GPD2: variants seen among roughly 807,000 people sequenced by gnomAD.
GPD2 encodes the protein glycerol-3-phosphate dehydrogenase 2, also known as glycerol-3-phosphate dehydrogenase, mitochondrial.
In GPD2, 54 loss-of-function variants were observed where a neutral mutation model predicts 82.4. The observed-to-expected ratio is 0.66, with a 90% CI of 0.53 to 0.82. The LOEUF (loss-of-function observed/expected upper bound fraction) is 0.82, where lower values mean the gene tolerates loss of function less well. Among genes scored for constraint, GPD2 ranks in the 40% least tolerant of loss-of-function variants. The pLI is 0.00. For missense variants in GPD2, 748 were observed against 896.2 expected, an observed-to-expected ratio of 0.83 and a Z score of 2.11; for synonymous variants, 288 against 306.1, an observed-to-expected ratio of 0.94 and a Z score of 0.62.
At chr2:156,401,131 A>G in the GPD2 span, among the ~76,000 whole-genome samples, 1 of 152,196 alleles carries the variant, frequency 6.6e-6, no homozygotes, top group Admixed American at 6.5e-5. Context: ...ACAGAAAAAA[A>G]CTAGAAGTCA....
chr2:156,421,835 A>T, the GPD2 span, among the ~76,000 whole-genome samples: 1 of 152,190 alleles, frequency 6.6e-6, no homozygotes, highest in Non-Finnish European at 1.5e-5. Context: ...AAGTGTTAAA[A>T]AGTATTTAAG....
At chr2:156,510,073 A>C (rs1306171052) in intron 3 of GPD2, among the ~76,000 whole-genome samples, 1 of 152,098 alleles carries the variant, frequency 6.6e-6, no homozygotes, top group African/African-American at 2.4e-5. Flanking sequence ...ATAAGCCACT[A>C]CGCCTGGCAA....
chr2:156,569,310 T>TAAGAAA (rs971904496), intron 10 of GPD2, 53 bp from the exon 11 acceptor site: 1 of 1,199,718 alleles, frequency 8.3e-7, no homozygotes, highest in African/African-American at 1.5e-5. Context: ...TGGTTAATTA[T>TAAGAAA]AAGAAAAATA....
At chr2:156,473,213 CTCTT>C (rs1459888008) in intron 1 of GPD2, among the ~76,000 whole-genome samples, 1 of 152,052 alleles carries the variant, frequency 6.6e-6, no homozygotes, top group African/African-American at 2.4e-5. Context: ...AAAAGGAAAA[CTCTT>C]TATTGATTAT....
At chr2:156,532,614 G>A (rs1196664310) in intron 6 of GPD2, among the ~76,000 whole-genome samples, 1 of 152,176 alleles carries the variant, frequency 6.6e-6, no homozygotes, top group Non-Finnish European at 1.5e-5. Flanking sequence ...GCCATCAGGA[G>A]GGGCTGATCC....
At chr2:156,558,488 A>G (rs570248983) in intron 9 of GPD2, among the ~76,000 whole-genome samples, 2 of 152,306 alleles carry the variant, frequency 1.3e-5, no homozygotes, top group East Asian at 3.9e-4. Context: ...TTTTCTTTCT[A>G]AAACACAATT....
At chr2:156,556,246 C>T (rs577624815) in intron 8 of GPD2, among the ~76,000 whole-genome samples, 14 of 152,008 alleles carry the variant, frequency 9.2e-5, no homozygotes, top group Non-Finnish European at 1.9e-4. Flanking sequence ...AATAGAATTA[C>T]GTTTCCATAT....
chr2:156,428,411 A>G, the GPD2 span, among the ~76,000 whole-genome samples: 3 of 152,250 alleles, frequency 2.0e-5, no homozygotes, highest in Non-Finnish European at 4.4e-5. Context: ...TCAATACTAT[A>G]AGAGGACCAG....
intron 6 of GPD2, among the ~76,000 whole-genome samples, chr2:156,541,529 CA>C (rs1199471115): frequency 6.6e-6 from 1 of 152,160 alleles, no homozygotes; most frequent in East Asian, 1.9e-4. Context: ...TAATTAATCT[CA>C]GGCATCCTCA....
intron 6 of GPD2, among the ~76,000 whole-genome samples, chr2:156,546,154 T>A (rs1412579808): frequency 1.3e-5 from 2 of 152,006 alleles, no homozygotes; most frequent in African/African-American, 4.8e-5. Flanking sequence ...GAGAACAGAG[T>A]CGGAAACAGA....
chr2:156,443,896 C>T (rs1402067317), intron 1 of GPD2, among the ~76,000 whole-genome samples: 1 of 152,182 alleles, frequency 6.6e-6, no homozygotes, highest in African/African-American at 2.4e-5. Flanking sequence ...ATTACCTTGT[C>T]CCCCTTATCA....
chr2:156,505,486 A>G (rs373177889), intron 3 of GPD2, among the ~76,000 whole-genome samples: 1 of 152,358 alleles, frequency 6.6e-6, no homozygotes, highest in African/African-American at 2.4e-5. Context: ...TCATCTTAAT[A>G]GAGATACAGC....
At chr2:156,418,768 A>G in the GPD2 span, among the ~76,000 whole-genome samples, 4 of 152,172 alleles carry the variant, frequency 2.6e-5, no homozygotes, top group African/African-American at 9.7e-5. Context: ...GAAGAAGGGG[A>G]ATTCTGTTGA....
chr2:156,426,075 C>G, the GPD2 span, among the ~76,000 whole-genome samples: 2 of 151,942 alleles, frequency 1.3e-5, no homozygotes, highest in African/African-American at 4.8e-5. Flanking sequence ...AGGCGCCCAC[C>G]ACCACGCCAG....
chr2:156,425,036 A>G, the GPD2 span, among the ~76,000 whole-genome samples: 14 of 152,040 alleles, frequency 9.2e-5, no homozygotes, highest in Non-Finnish European at 1.5e-5. Flanking sequence ...ATGTTTCCTC[A>G]GTTCATATTC....
chr2:156,476,993 G>C (rs958708523), intron 2 of GPD2, among the ~76,000 whole-genome samples: 9 of 152,196 alleles, frequency 5.9e-5, no homozygotes, highest in African/African-American at 2.2e-4. Context: ...ATTTGTAACT[G>C]AGTGATTCAT....
chr2:156,577,185 G>GA (rs1196777804), intron 13 of GPD2, among the ~76,000 whole-genome samples: 1 of 152,110 alleles, frequency 6.6e-6, no homozygotes, highest in Non-Finnish European at 1.5e-5. Context: ...AATCATGTCA[G>GA]AAAAATCAAC....
chr2:156,403,133 A>AAAAAAAAC, the GPD2 span, among the ~76,000 whole-genome samples: 1 of 151,510 alleles, frequency 6.6e-6, no homozygotes, highest in Admixed American at 6.6e-5. Context: ...AAAAAAAAAA[A>AAAAAAAAC]ATCTCAGAAC....
In GPD2 at chr2:156,476,175, C is replaced by G; in HGVS notation, c.70C>G (p.Leu24Val). The change falls in exon 2 of 17, where the codon CTT becomes GTT. Residue 24 changes from leucine to valine, a missense_variant. Coordinates refer to ENST00000438166, the MANE Select transcript of GPD2 (RefSeq NM_000408.5). ...GGGALATVLG[L>V]SQFAHYRRKQ... ...AGGTGCTCTTGCAACTGTTTTAGGACTTTCTCAGTTTGCTCATTACAGAAG... is the reference window on the plus strand; with the variant it reads ...AGGTGCTCTTGCAACTGTTTTAGGAGTTTCTCAGTTTGCTCATTACAGAAG... 1 of 1,607,260 alleles carries G rather than the reference C, an allele frequency of 6.2e-7. No homozygotes were observed.
Sources: allele counts gnomAD v4.1 joint callset (sites outside exome capture counted in the v4.1 genomes callset), GRCh38; gene constraint gnomAD v4.1.1; transcripts MANE v1.5; gene names NCBI Gene and HGNC (gene_info 2026-07-23, HGNC 2026-07-21).